The following EDIL3 variants were observed in gnomAD, a reference collection of about 807,000 sequenced individuals.
The protein encoded by EDIL3 is EGF-like repeat and discoidin I-like domain-containing protein 3.
EDIL3 carries 37 observed loss-of-function variants against 67.4 expected under a neutral mutation model. The ratio of observed to expected loss-of-function variants is 0.55; its 90% confidence interval spans 0.42 to 0.72. The LOEUF (loss-of-function observed/expected upper bound fraction) is 0.72, where lower values mean the gene tolerates loss of function less well. EDIL3 is among the 30% of genes least tolerant of loss of function. The pLI is 0.00. For missense variants in EDIL3, 527 were observed against 586.3 expected (o/e 0.90, Z 1.04); for synonymous variants, 195 against 196.3 (o/e 0.99, Z 0.05).
At chr5:84,095,770 G>T (rs1319375118) in intron 6 of EDIL3, among the ~76,000 whole-genome samples, 1 of 152,198 alleles carries the variant, frequency 6.6e-6, no homozygotes, top group East Asian at 1.9e-4. Context: ...GCCAGCTGCA[G>T]AAATTTGCAT....
chr5:84,264,856 T>C (rs561927194), intron 1 of EDIL3, among the ~76,000 whole-genome samples: 2 of 152,316 alleles, frequency 1.3e-5, no homozygotes, highest in African/African-American at 4.8e-5. Context: ...AATCAAGTGC[T>C]ACAAAAAAGA....
intron 1 of EDIL3, among the ~76,000 whole-genome samples, chr5:84,289,961 G>C (rs574783867): frequency 1.3e-5 from 2 of 152,074 alleles, no homozygotes; most frequent in Non-Finnish European, 2.9e-5. Flanking sequence ...ATATCCCACT[G>C]CCTAATGAAA....
intron 9 of EDIL3, among the ~76,000 whole-genome samples, chr5:83,971,671 T>A (rs1203973303): frequency 6.6e-6 from 1 of 152,090 alleles, no homozygotes; most frequent in Admixed American, 6.6e-5. Flanking sequence ...ACCTATATTA[T>A]CTTGTTTTCC....
intron 6 of EDIL3, among the ~76,000 whole-genome samples, chr5:84,086,401 G>C (rs1335290200): frequency 6.6e-6 from 1 of 152,146 alleles, no homozygotes; most frequent in Non-Finnish European, 1.5e-5. Flanking sequence ...TGTTTTGGGG[G>C]AGGGCAGGTC....
chr5:84,148,384 A>G (rs1748325224), intron 4 of EDIL3, among the ~76,000 whole-genome samples: 2 of 152,160 alleles, frequency 1.3e-5, no homozygotes, highest in Non-Finnish European at 2.9e-5. Context: ...AAAATTGCAA[A>G]GCATGTGGAA....
At chr5:84,111,519 A>T (rs1275820261) in intron 5 of EDIL3, among the ~76,000 whole-genome samples, 1 of 152,228 alleles carries the variant, frequency 6.6e-6, no homozygotes, top group South Asian at 2.1e-4. Flanking sequence ...GCCCTTCTAC[A>T]TATTTGGCAC....
intron 4 of EDIL3, among the ~76,000 whole-genome samples, chr5:84,153,370 C>A (rs1296457474): frequency 6.6e-6 from 1 of 152,142 alleles, no homozygotes; most frequent in Non-Finnish European, 1.5e-5. Context: ...GACCTCGGCT[C>A]ATTGCAACCT....
chr5:84,242,064 CAAAA>C (rs397702402), intron 2 of EDIL3, among the ~76,000 whole-genome samples: 1 of 122,342 alleles, frequency 8.2e-6, no homozygotes, highest in Admixed American at 8.5e-5. Context: ...ACTAAAAGTA[CAAAA>C]AAAAAAAAAA....
chr5:84,207,591 C>T (rs1252581563), intron 3 of EDIL3, among the ~76,000 whole-genome samples: 1 of 151,270 alleles, frequency 6.6e-6, no homozygotes, highest in Non-Finnish European at 1.5e-5. Context: ...ATCGCCAAGT[C>T]AATCCTAAGC....
intron 6 of EDIL3, among the ~76,000 whole-genome samples, chr5:84,074,436 C>A (rs1389318754): frequency 1.3e-5 from 2 of 152,142 alleles, no homozygotes; most frequent in African/African-American, 4.8e-5. Flanking sequence ...AGAAAATTTT[C>A]TCAACCTACT....
At chr5:84,241,136 A>T (rs1744785517) in intron 2 of EDIL3, among the ~76,000 whole-genome samples, 1 of 152,338 alleles carries the variant, frequency 6.6e-6, no homozygotes, top group South Asian at 2.1e-4. Context: ...TCTGCATTGT[A>T]TAATGATTAC....
At chr5:84,291,720 A>C (rs1260656750) in intron 1 of EDIL3, among the ~76,000 whole-genome samples, 1 of 127,506 alleles carries the variant, frequency 7.8e-6, no homozygotes, top group Non-Finnish European at 1.7e-5. Flanking sequence ...ATCTATCTAT[A>C]TATCTATATA....
At chr5:84,297,905 A>C (rs1026174740) in intron 1 of EDIL3, among the ~76,000 whole-genome samples, 1 of 152,124 alleles carries the variant, frequency 6.6e-6, no homozygotes, top group Non-Finnish European at 1.5e-5. Context: ...TATCCAAGCC[A>C]CTACAGATTT....
At chr5:84,158,773 C>T (rs1408416766) in intron 4 of EDIL3, among the ~76,000 whole-genome samples, 1 of 152,022 alleles carries the variant, frequency 6.6e-6, no homozygotes, top group East Asian at 1.9e-4. Context: ...AAAAACAAAA[C>T]CTGTATTTGT....
chr5:84,173,976 G>A (rs940021278), intron 4 of EDIL3, among the ~76,000 whole-genome samples: 4 of 152,182 alleles, frequency 2.6e-5, no homozygotes, highest in East Asian at 1.9e-4. Context: ...TGGTGCACTC[G>A]TCTGTGCGTG....
chr5:84,117,808 G>A (rs898417527), intron 5 of EDIL3, among the ~76,000 whole-genome samples: 1 of 151,874 alleles, frequency 6.6e-6, no homozygotes, highest in African/African-American at 2.4e-5. Flanking sequence ...CACTCTAGTA[G>A]GTTAATTTAT....
chr5:84,050,803 C>G (rs1455430485), intron 9 of EDIL3, among the ~76,000 whole-genome samples: 5 of 152,184 alleles, frequency 3.3e-5, no homozygotes, highest in Non-Finnish European at 7.3e-5. Flanking sequence ...AGAAGGTAAA[C>G]AAAGCAGCCA....
chr5:84,083,513 T>C (rs912085549), intron 6 of EDIL3, among the ~76,000 whole-genome samples: 5 of 152,170 alleles, frequency 3.3e-5, no homozygotes, highest in African/African-American at 1.2e-4. Flanking sequence ...AGTTGATGAC[T>C]CTAGCCAAGA....
chr5:84,120,160 C>A (rs776584409), intron 5 of EDIL3, among the ~76,000 whole-genome samples: 1 of 151,926 alleles, frequency 6.6e-6, no homozygotes, highest in Non-Finnish European at 1.5e-5. Context: ...GAATTGCACA[C>A]CTTTGCACAA....
Sources: gnomAD v4.1 joint callset for allele counts (sites outside exome capture counted in the v4.1 genomes callset) on GRCh38, gnomAD v4.1.1 for gene constraint, MANE v1.5 for transcripts, NCBI Gene and HGNC (gene_info 2026-07-23, HGNC 2026-07-21) for gene names.